ZNF441: variants seen among roughly 807,000 people sequenced by gnomAD.
The protein encoded by ZNF441 is zinc finger protein 441.
In ZNF441, 25 loss-of-function variants were observed where a neutral mutation model predicts 64.5. That is an observed-to-expected ratio of 0.39 (90% CI 0.28 to 0.54). The LOEUF is 0.54. Ranked by LOEUF, ZNF441 falls within the 20% of genes least tolerant of loss-of-function variation. The pLI, the probability that ZNF441 is intolerant of heterozygous loss-of-function variation, is 0.70. For missense variants in ZNF441, 715 were observed against 843.3 expected, an observed-to-expected ratio of 0.85 and a Z score of 1.88; for synonymous variants, 262 against 268.0, an observed-to-expected ratio of 0.98 and a Z score of 0.22.
At position 11,780,306 on chromosome 19, in the gene ZNF441, G is replaced by A. The variant is rs1453987612; in HGVS notation, c.482G>A (p.Arg161Lys). The change falls in exon 4 of 4, where the codon AGA becomes AAA. Residue 161 changes from arginine to lysine, a missense_variant. By Grantham distance (26) the Arg-to-Lys change is conservative. Coordinates refer to ENST00000357901, the MANE Select transcript of ZNF441 (RefSeq NM_152355.3). ...SYQPCFQIHE[R>K]PQHGKKLYDC... The stretch of plus-strand genomic sequence containing the variant: ...CAGCCCTGCTTTCAAATACATGAAA[G>A]ACCTCAGCATGGAAAGAAACTCTAT... The A allele has an allele frequency of 6.2e-7, 1 of 1,614,040 alleles. No individual in the cohort carries two copies. Among genetic ancestry groups the A allele is most frequent in the Non-Finnish European group, 8.5e-7 (1 of 1,180,046 alleles).
At chr19:11,770,923 ACT>A (rs1311950282) in intron 1 of ZNF441, among the ~76,000 whole-genome samples, 1 of 139,450 alleles carries the variant, frequency 7.2e-6, no homozygotes, top group Admixed American at 7.3e-5. Context: ...ACAGAACAAA[ACT>A]CTGTTTCAAA....
chr19:11,781,913 C>A lies in ZNF441; in HGVS notation c.*7C>A, dbSNP rs116908186. The A allele has an allele frequency of 3.2e-3, 5,067 of 1,566,184 alleles. 180 individuals are homozygous for A. In the East Asian group the frequency reaches 0.082, roughly 25 times the overall value. On this transcript the variant is annotated 3_prime_UTR_variant, in exon 4 of 4. Transcript: ENST00000357901. ...ACATGAAATGACTCACTAGAGAAAACCCCTATGAGTGTTGAACATGTGAGA... is the reference window on the plus strand; with the variant it reads ...ACATGAAATGACTCACTAGAGAAAAACCCTATGAGTGTTGAACATGTGAGA...
At position 11,780,805 on chromosome 19, in the gene ZNF441, A is replaced by G; in HGVS notation, c.981A>G (p.Lys327=). 9 of 1,614,178 alleles carry G rather than the reference A, an allele frequency of 5.6e-6. No homozygotes were observed. Among genetic ancestry groups the G allele is most frequent in the Non-Finnish European group, 7.6e-6 (9 of 1,180,030 alleles). Residue 327 remains lysine (K), a synonymous_variant, in exon 4 of 4, where the codon AAA becomes AAG. Coordinates refer to ENST00000357901, the MANE Select transcript of ZNF441 (RefSeq NM_152355.3). ...CTCCCAGTTCAGTTCGAAGACATAA[A>G]AGAACTCACACTGGAGAGAAACCGT... is the stretch of plus-strand genomic sequence containing the variant. ...FLSPSSVRRH[K]RTHTGEKPYE... is the part of the protein sequence containing the mutation.
Position 11,777,674 on chromosome 19 carries a change from C to T in ZNF441, c.67C>T (p.Pro23Ser), listed in dbSNP as rs142226959. The change falls in exon 2 of 4, where the codon CCA (proline) becomes TCA (serine). Residue 23 changes from proline to serine, a missense_variant. Pro to Ser is a moderately conservative substitution (Grantham distance 74, BLOSUM62 -1). Coordinates refer to ENST00000357901, the MANE Select transcript of ZNF441 (RefSeq NM_152355.3). The stretch of plus-strand genomic sequence containing the variant: ...CTGTGAGGAGTGGGCTTTGCTGGGT[C>T]CATCACAGAAGAGTCTCTACAGAGA... ...FTCEEWALLG[P>S]SQKSLYRDVM... 4 of 1,613,614 alleles carry T rather than the reference C, an allele frequency of 2.5e-6. No homozygotes were observed. Among genetic ancestry groups the T allele is most frequent in the Non-Finnish European group, 3.4e-6 (4 of 1,179,744 alleles).
rs781511935 is a variant in ZNF441, at chr19:11,781,416, A to G, written c.1592A>G (p.Tyr531Cys). 22 of 1,613,986 alleles carry G rather than the reference A, an allele frequency of 1.4e-5. No individual in the cohort carries two copies. Among genetic ancestry groups the G allele is most frequent in the South Asian group, 5.5e-5 (5 of 91,084 alleles). The change falls in exon 4 of 4, where the codon TAT becomes TGT. Residue 531 changes from tyrosine to cysteine, a missense_variant. Around this residue, in one of 2 missense-constraint regions of ZNF441, gnomAD observed 316 missense variants for 429.3 expected, o/e 0.74. Coordinates refer to ENST00000357901, the MANE Select transcript of ZNF441 (RefSeq NM_152355.3). ...HERIHTGERP[Y>C]KCKLCGKGFR... ...AGAATTCACACTGGGGAGAGACCCT[A>G]TAAGTGTAAACTATGTGGGAAAGGC...
In ZNF441 at chr19:11,780,963, G is replaced by A. The variant is rs570761001; in HGVS notation, c.1139G>A (p.Arg380Gln). 18 of 1,613,754 alleles carry A rather than the reference G, an allele frequency of 1.1e-5. No homozygotes were observed. The highest frequency in any genetic ancestry group is 5.3e-5 in the African/African-American group (4 of 74,892). ...GCCTTTGATTCTCCCAGTTTATGTC[G>A]AAGGCATGAAACAACTCATACTGGG... ...GKAFDSPSLC[R>Q]RHETTHTGEK... is the part of the protein sequence containing the mutation. Residue 380 changes from arginine to glutamine, a missense_variant, in exon 4 of 4, where the codon CGA becomes CAA. Physicochemically the swap from Arg to Gln is conservative, Grantham distance 43. Around this residue, in one of 2 missense-constraint regions of ZNF441, gnomAD observed 316 missense variants for 429.3 expected, o/e 0.74. Transcript: ENST00000357901.
intron 1 of ZNF441, among the ~76,000 whole-genome samples, chr19:11,774,955 T>G (rs1193080531): frequency 6.6e-6 from 1 of 152,252 alleles, no homozygotes; most frequent in Non-Finnish European, 1.5e-5. Flanking sequence ...TTAGTAACAT[T>G]TTCAGAGCAT....
At chr19:11,769,973 C>G (rs753777899) in intron 1 of ZNF441, among the ~76,000 whole-genome samples, 1 of 152,122 alleles carries the variant, frequency 6.6e-6, no homozygotes, top group East Asian at 1.9e-4. Flanking sequence ...CGTGCCCAGC[C>G]TGGGCCTCTT....
rs775589363 is a variant in ZNF441, at chr19:11,780,889, G to C, written c.1065G>C (p.Met355Ile). ...ATTGCACAGGTTTTCGAAGACACAT[G>C]ATAACGCACACTGGAGATGGACCTC... ...FSDCTGFRRH[M>I]ITHTGDGPHK... The change falls in exon 4 of 4, where the codon ATG (methionine) becomes ATC (isoleucine). Residue 355 changes from methionine to isoleucine, a missense_variant. Physicochemically the swap from Met to Ile is conservative, Grantham distance 10. Coordinates refer to ENST00000357901, the MANE Select transcript of ZNF441 (RefSeq NM_152355.3). The C allele has an allele frequency of 6.2e-7, 1 of 1,614,138 alleles. No homozygotes were observed.
intron 1 of ZNF441, among the ~76,000 whole-genome samples, chr19:11,777,176 A>G (rs1207583547): frequency 2.0e-5 from 3 of 152,096 alleles, no homozygotes. Flanking sequence ...TAACCTGGGT[A>G]ATTTATAAGA....
Position 11,767,062 on chromosome 19 carries a change from A to T in ZNF441, c.-132A>T. On this transcript the variant is annotated 5_prime_UTR_variant, in exon 1 of 4. Transcript: ENST00000357901. This position sits in a 1 kb window ranked among gnomAD's most constrained non-coding sequence, Gnocchi z 5.1. Reference sequence around the variant, plus strand: ...TCAAAGAGCCCGCCGAGTCTTCTCCACGCCCCTGCACTGGGCTCCGGGTTC... The same window carrying T: ...TCAAAGAGCCCGCCGAGTCTTCTCCTCGCCCCTGCACTGGGCTCCGGGTTC... The T allele has an allele frequency of 7.3e-7, 1 of 1,377,942 alleles. No homozygotes were observed. Among genetic ancestry groups the T allele is most frequent in the Non-Finnish European group, 1.0e-6 (1 of 1,001,922 alleles). The allele number at this position is 1,377,942 out of a possible 1,614,324, so 85.4% of individuals were successfully genotyped here. A position where few individuals can be genotyped will look rare whatever the true frequency, so the allele number is the denominator to read the frequency against.
chr19:11,770,932 CA>C (rs33976066), intron 1 of ZNF441, among the ~76,000 whole-genome samples: 47,340 of 119,930 alleles, frequency 0.39, 7,506 homozygotes, highest in Middle Eastern at 0.5. Context: ...AACTCTGTTT[CA>C]AAAAAAAAAA....
rs777295338 is a variant in ZNF441 at position 11,781,937 on chromosome 19, G to T, written c.*31G>T. ...ACCCCTATGAGTGTTGAACATGTGA[G>T]AAAGCCTTAAGTACTTTCAGCTTCT... On this transcript the variant is annotated 3_prime_UTR_variant, in exon 4 of 4. Coordinates refer to ENST00000357901, the MANE Select transcript of ZNF441 (RefSeq NM_152355.3). The T allele has an allele frequency of 6.6e-6, 10 of 1,508,412 alleles. No individual in the cohort carries two copies. Among genetic ancestry groups the T allele is most frequent in the African/African-American group, 1.4e-5 (1 of 71,618 alleles). The allele number at this position is 1,508,412 out of a possible 1,614,324, so 93.4% of individuals were successfully genotyped here. A position where few individuals can be genotyped will look rare whatever the true frequency, so the allele number is the denominator to read the frequency against.
In ZNF441 at chr19:11,767,963, T is replaced by C. The variant is rs1975284398; in HGVS notation, c.3+767T>C. On this transcript the variant is annotated intron_variant, in intron 1 of 3. Coordinates refer to ENST00000357901, the MANE Select transcript of ZNF441 (RefSeq NM_152355.3). The surrounding 1 kb of genome is among the most constrained non-coding windows in gnomAD (Gnocchi z 5.1). ...CTGGCTCGCAGTTCTGTGAACCCGGTGAGGAGGCTGCACGGTGATGACAGG... is the reference window on the plus strand; with the variant it reads ...CTGGCTCGCAGTTCTGTGAACCCGGCGAGGAGGCTGCACGGTGATGACAGG... Among the ~76,000 whole-genome samples the C allele has an allele frequency of 6.6e-6, 1 of 152,134 alleles. No individual in the cohort carries two copies. Among genetic ancestry groups the C allele is most frequent in the Admixed American group, 6.5e-5 (1 of 15,270 alleles).
In ZNF441 at chr19:11,782,503, ATTAT is replaced by A. The variant is rs1390249955; in HGVS notation, c.*601_*604del. On this transcript the variant is annotated 3_prime_UTR_variant, in exon 4 of 4. Transcript: ENST00000357901. ...TAAATTCTGTATAAGTTGCTTTTGT[ATTAT>A]TTAGGGAATCATGACAAGAAAAAAG... 6.6e-6 allele frequency: 1 copy of A among 152,174 alleles called. No homozygotes were observed. The highest frequency in any genetic ancestry group is 1.5e-5 in the Non-Finnish European group (1 of 68,032). 9.4% of individuals were successfully genotyped at this position (152,174 alleles called of 1,614,324 possible).
At position 11,780,561 on chromosome 19, in the gene ZNF441, A is replaced by G. The variant is rs1336200586; in HGVS notation, c.737A>G (p.His246Arg). Residue 246 changes from histidine to arginine, a missense_variant, in exon 4 of 4, where the codon CAC becomes CGC. Physicochemically the swap from His to Arg is conservative, Grantham distance 29. Coordinates refer to ENST00000357901, the MANE Select transcript of ZNF441 (RefSeq NM_152355.3). Reference protein sequence around the residue: ...YSSTLRHERTHSGEKPYQCKQ... With the variant: ...YSSTLRHERTRSGEKPYQCKQ... ...TCCACTCTAAGACATGAAAGAACAC[A>G]CAGTGGAGAGAAACCCTATCAATGT... 5 of 1,614,232 alleles carry G rather than the reference A, an allele frequency of 3.1e-6. No homozygotes were observed. The East Asian group carries it at 6.7e-5, about 22-fold the overall frequency.
At chr19:11,775,781 C>T (rs1975351059) in intron 1 of ZNF441, among the ~76,000 whole-genome samples, 1 of 151,876 alleles carries the variant, frequency 6.6e-6, no homozygotes, top group Non-Finnish European at 1.5e-5. Context: ...GTGCCCGCCA[C>T]CACACCTGAC....
chr19:11,774,251 T>C (rs1275354990), intron 1 of ZNF441, among the ~76,000 whole-genome samples: 1 of 152,186 alleles, frequency 6.6e-6, no homozygotes, highest in East Asian at 1.9e-4. Context: ...GATATTATTA[T>C]GTTGAACAAA....
At position 11,767,745 on chromosome 19, in the gene ZNF441, C is replaced by T. The variant is rs1237769198; in HGVS notation, c.3+549C>T. On this transcript the variant is annotated intron_variant, in intron 1 of 3. Transcript: ENST00000357901. This position sits in a 1 kb window ranked among gnomAD's most constrained non-coding sequence, Gnocchi z 5.1. ...GGTCTTCAGCCTGGTTGGCGCCAGC[C>T]TTTCCGCTGGAATTCAGGATCTGAG... Among the ~76,000 whole-genome samples, 1 of 152,222 alleles carries T rather than the reference C, an allele frequency of 6.6e-6. No homozygotes were observed. The highest frequency in any genetic ancestry group is 1.9e-4 in the East Asian group (1 of 5,184).
Sources: allele counts gnomAD v4.1 joint callset (sites outside exome capture counted in the v4.1 genomes callset), GRCh38; gene constraint gnomAD v4.1.1; regional missense constraint gnomAD v4.1.1; non-coding constraint Gnocchi (gnomAD v3.1); transcripts MANE v1.5; gene names NCBI Gene and HGNC (gene_info 2026-07-23, HGNC 2026-07-21).